TMEM164: variants seen among roughly 807,000 people sequenced by gnomAD.
The protein encoded by TMEM164 is transmembrane protein 164.
In TMEM164, 4 loss-of-function variants were observed where a neutral mutation model predicts 18.8. That is an observed-to-expected ratio of 0.21 (90% CI 0.10 to 0.49). TMEM164 has a LOEUF of 0.49. TMEM164 is among the 20% of genes least tolerant of loss of function. The pLI, the probability that TMEM164 is intolerant of heterozygous loss-of-function variation, is 0.98. For missense variants in TMEM164, 108 were observed against 239.9 expected, an observed-to-expected ratio of 0.45 and a Z score of 3.63; for synonymous variants, 86 against 101.7, an observed-to-expected ratio of 0.85 and a Z score of 0.93.
chrX:110,081,527 C>T (rs2065757158), intron 3 of TMEM164, among the ~76,000 whole-genome samples: 1 of 112,282 alleles, frequency 8.9e-6, no homozygotes, highest in African/African-American at 3.2e-5. Flanking sequence ...ATGTGGCTTG[C>T]ATGTGGTACA....
chrX:110,117,341 T>C (rs919974832), intron 4 of TMEM164, among the ~76,000 whole-genome samples: 3 of 112,911 alleles, frequency 2.7e-5, no homozygotes, highest in Non-Finnish European at 5.6e-5. Flanking sequence ...GCAAATTTTA[T>C]ACAGTATCGA....
At chrX:110,123,172 C>G (rs1234214224) in intron 4 of TMEM164, among the ~76,000 whole-genome samples, 1 of 111,952 alleles carries the variant, frequency 8.9e-6, no homozygotes, top group African/African-American at 3.2e-5. Flanking sequence ...AAAGACTCTT[C>G]TATCCATCCC....
chrX:110,052,992 C>A (rs1007876187), intron 2 of TMEM164, among the ~76,000 whole-genome samples: 3 of 110,855 alleles, frequency 2.7e-5, no homozygotes, highest in Non-Finnish European at 5.7e-5. Flanking sequence ...ACCTCATGAT[C>A]TGCCCACCTT....
At chrX:110,170,225 C>T (rs1272632023) in intron 5 of TMEM164, among the ~76,000 whole-genome samples, 2 of 112,644 alleles carry the variant, frequency 1.8e-5, no homozygotes, top group Admixed American at 9.3e-5. Context: ...TGCACCAGTA[C>T]TTGCTGTACC....
At chrX:110,012,739 C>T (rs928374452) in intron 2 of TMEM164, among the ~76,000 whole-genome samples, 3 of 112,274 alleles carry the variant, frequency 2.7e-5, no homozygotes, top group African/African-American at 9.7e-5. Flanking sequence ...TCTGTGTTTA[C>T]TCAGCTCTTT....
At chrX:110,148,965 A>T (rs1171451192) in intron 5 of TMEM164, among the ~76,000 whole-genome samples, 2 of 111,371 alleles carry the variant, frequency 1.8e-5, no homozygotes, top group African/African-American at 6.5e-5. Context: ...AAGCATCCTA[A>T]AAGAATAATC....
chrX:110,154,155 A>G (rs1366312521), intron 5 of TMEM164, among the ~76,000 whole-genome samples: 3 of 111,674 alleles, frequency 2.7e-5, no homozygotes, highest in Non-Finnish European at 5.6e-5. Context: ...TGTAAATTAC[A>G]CTTATTTTCC....
chrX:110,123,283 C>T (rs1304223094), intron 4 of TMEM164, among the ~76,000 whole-genome samples: 1 of 112,244 alleles, frequency 8.9e-6, no homozygotes, highest in African/African-American at 3.2e-5. Context: ...ATATGTCTAT[C>T]CATATGCCAG....
At chrX:110,118,012 A>G in intron 4 of TMEM164, among the ~76,000 whole-genome samples, 1 of 111,920 alleles carries the variant, frequency 8.9e-6, no homozygotes, top group Non-Finnish European at 1.9e-5. Context: ...TCTCAGGTTC[A>G]AGTGATTCTC....
At chrX:110,015,206 A>G (rs1933277097) in intron 2 of TMEM164, among the ~76,000 whole-genome samples, 1 of 110,959 alleles carries the variant, frequency 9.0e-6, no homozygotes, top group Non-Finnish European at 1.9e-5. Context: ...AGGCCTTGGG[A>G]TGTGGGGGGT....
At chrX:110,022,616 G>A (rs1933956938) in intron 2 of TMEM164, among the ~76,000 whole-genome samples, 1 of 111,787 alleles carries the variant, frequency 8.9e-6, no homozygotes, top group South Asian at 3.7e-4. Context: ...TGGGAGAGAG[G>A]TTTGAGGAGA....
At chrX:110,103,576 A>C (rs1424344104) in intron 3 of TMEM164, among the ~76,000 whole-genome samples, 1 of 109,441 alleles carries the variant, frequency 9.1e-6, no homozygotes, top group African/African-American at 3.3e-5. Context: ...TTGCATATCA[A>C]AGGCATGTTT....
At position 110,175,935 on chromosome X, in the gene TMEM164, C is replaced by G; in HGVS notation, c.*2484C>G. On this transcript the variant is annotated 3_prime_UTR_variant, in exon 7 of 7. Transcript: ENST00000372068. ...TTATAGGGTAGCCCTCATATCTGCC[C>G]TGTGCCGGCCCTCTACTGCCCCAGC... The G allele has an allele frequency of 1.3e-6, 1 of 756,258 alleles. No individual in the cohort carries two copies. The highest frequency in any genetic ancestry group is 1.6e-6 in the Non-Finnish European group (1 of 639,653). 62.3% of individuals were successfully genotyped at this position (756,258 alleles called of 1,213,427 possible).
At chrX:110,113,868 C>A (rs2066324823) in intron 4 of TMEM164, among the ~76,000 whole-genome samples, 1 of 111,912 alleles carries the variant, frequency 8.9e-6, no homozygotes, top group Non-Finnish European at 1.9e-5. Context: ...GTGCTCTTTA[C>A]ACCTAGGATC....
intron 4 of TMEM164, among the ~76,000 whole-genome samples, chrX:110,117,136 A>C (rs2066380587): frequency 9.0e-6 from 1 of 111,427 alleles, no homozygotes. Context: ...GTGTATTAGC[A>C]TGTCCATTTT....
intron 3 of TMEM164, among the ~76,000 whole-genome samples, chrX:110,067,822 G>T (rs1032961615): frequency 1.8e-5 from 2 of 112,544 alleles, no homozygotes; most frequent in African/African-American, 6.5e-5. Flanking sequence ...CCCCTAAAGT[G>T]CAAATTAAAG....
intron 2 of TMEM164, among the ~76,000 whole-genome samples, chrX:110,061,759 T>C (rs1033928161): frequency 4.5e-5 from 5 of 111,451 alleles, no homozygotes; most frequent in Admixed American, 9.6e-5. Context: ...ATCTCAGAAA[T>C]AGGCAAATCA....
At position 110,177,085 on chromosome X, in the gene TMEM164, C is replaced by T. The variant is rs2067298455; in HGVS notation, c.*3634C>T. Reference sequence around the variant, plus strand: ...GTGAGCTGATTTGGGCTCAGGAAAACCTAGTCGCTTGTTGCTCTCGTCTGT... The same window carrying T: ...GTGAGCTGATTTGGGCTCAGGAAAATCTAGTCGCTTGTTGCTCTCGTCTGT... On this transcript the variant is annotated 3_prime_UTR_variant, in exon 7 of 7. Transcript: ENST00000372068. The T allele has an allele frequency of 9.0e-6, 1 of 111,479 alleles. No individual in the cohort carries two copies. The highest frequency in any genetic ancestry group is 1.9e-5 in the Non-Finnish European group (1 of 53,033). The allele number at this position is 111,479 out of a possible 1,213,427, so 9.2% of individuals were successfully genotyped here.
chrX:110,129,892 C>T (rs1199384045), intron 4 of TMEM164, among the ~76,000 whole-genome samples: 5 of 112,632 alleles, frequency 4.4e-5, no homozygotes, highest in African/African-American at 6.5e-5. Flanking sequence ...CAGTAGTGGC[C>T]TTCAGCCCTT....
Sources: gnomAD v4.1 joint callset for allele counts (sites outside exome capture counted in the v4.1 genomes callset) on GRCh38, gnomAD v4.1.1 for gene constraint, MANE v1.5 for transcripts, NCBI Gene and HGNC (gene_info 2026-07-23, HGNC 2026-07-21) for gene names.